Variants in PNPLA1 observed in about 807,000 individuals in gnomAD.
PNPLA1 encodes patatin like domain 1, omega-hydroxyceramide transacylase.
A neutral mutation model predicts 51.7 loss-of-function variants in PNPLA1; 36 were observed. That is an observed-to-expected ratio of 0.70 (90% CI 0.53 to 0.92). The LOEUF (loss-of-function observed/expected upper bound fraction) is 0.92, where lower values mean the gene tolerates loss of function less well. Among genes scored for constraint, PNPLA1 ranks in the 40% least tolerant of loss-of-function variants. The pLI is 0.00. For synonymous variants in PNPLA1, 293 were observed against 280.1 expected (o/e 1.05, Z -0.46); for missense variants, 658 against 682.5 (o/e 0.96, Z 0.40).
Position 36,295,431 on chromosome 6 carries a change from A to G in PNPLA1, c.775+7A>G, listed in dbSNP as rs1770829682. 6.2e-7 allele frequency: 1 copy of G among 1,614,082 alleles called. No individual in the cohort carries two copies. Among genetic ancestry groups the G allele is most frequent in the Non-Finnish European group, 8.5e-7 (1 of 1,179,986 alleles). ...TTGTACTTGAGGCGGCTGAGTAAGT[A>G]CCGGTGGGGCCCCAGGTAAGGGCAG... On this transcript the variant is annotated splice_region_variant and intron_variant, in intron 5 of 8. Transcript: ENST00000636260.
intron 8 of PNPLA1, chr6:36,307,948 T>C (rs1465412091): frequency 5.0e-6 from 2 of 400,110 alleles, no homozygotes; most frequent in Non-Finnish European, 8.9e-6. Flanking sequence ...ATGGGGATGA[T>C]ACCACTTCAT....
At chr6:36,261,985 T>C (rs943297982) in intron 1 of PNPLA1, among the ~76,000 whole-genome samples, 1 of 152,190 alleles carries the variant, frequency 6.6e-6, no homozygotes. Context: ...GATGAACATT[T>C]TCCTAGGATG....
intron 5 of PNPLA1, among the ~76,000 whole-genome samples, chr6:36,297,358 G>A (rs1009557178): frequency 3.9e-5 from 6 of 152,124 alleles, no homozygotes; most frequent in South Asian, 4.1e-4. Context: ...GATGTGAACA[G>A]GAACTACTGA....
rs766625780 is a variant in PNPLA1, at chr6:36,276,509, A to G, written c.205+5845A>G. 1.2e-3 allele frequency among the ~76,000 whole-genome samples: 190 copies of G among 152,112 alleles called. 1 individual carries two copies. The highest frequency in any genetic ancestry group is 3.7e-3 in the African/African-American group (152 of 41,418). On this transcript the variant is annotated intron_variant, in intron 1 of 8. Coordinates refer to ENST00000636260, the MANE Select transcript of PNPLA1 (RefSeq NM_001374623.1). Reference sequence around the variant, plus strand: ...TCATTAATCCATTCATTCACCTAGGAGGGGTGGTCTCCGTGATTGCCACTG... The same window carrying G: ...TCATTAATCCATTCATTCACCTAGGGGGGGTGGTCTCCGTGATTGCCACTG...
At chr6:36,273,673 G>T (rs1217486293) in intron 1 of PNPLA1, among the ~76,000 whole-genome samples, 1 of 133,622 alleles carries the variant, frequency 7.5e-6, no homozygotes, top group Non-Finnish European at 1.5e-5. Flanking sequence ...CAGGAAGATT[G>T]TGTGTGGGTC....
chr6:36,297,597 T>C (rs1241876570), intron 5 of PNPLA1, among the ~76,000 whole-genome samples: 1 of 152,158 alleles, frequency 6.6e-6, no homozygotes, highest in Non-Finnish European at 1.5e-5. Flanking sequence ...TTATTCTTGC[T>C]GCCAGGCAAG....
In PNPLA1 at chr6:36,311,112, C is replaced by T. The variant is rs150118880; in HGVS notation, c.1596-651C>T. 8.2e-3 allele frequency among the ~76,000 whole-genome samples: 1,255 copies of T among 152,286 alleles called. 16 individuals are homozygous for T. The highest frequency in any genetic ancestry group is 0.026 in the African/African-American group (1,066 of 41,544). The stretch of plus-strand genomic sequence containing the variant: ...TGGGCTCACCCTGCACCTACTGAAT[C>T]GGAAATGGGGCTGGGGCCCAGCGGT... On this transcript the variant is annotated intron_variant, in intron 8 of 8. Coordinates refer to ENST00000636260, the MANE Select transcript of PNPLA1 (RefSeq NM_001374623.1).
chr6:36,265,998 C>A (rs953898190), upstream of PNPLA1, among the ~76,000 whole-genome samples: 4 of 152,230 alleles, frequency 2.6e-5, no homozygotes, highest in African/African-American at 9.7e-5. Context: ...CCCTCATTCT[C>A]TCTCTCACTC....
In PNPLA1 at chr6:36,304,747, G is replaced by A. The variant is rs188643726; in HGVS notation, c.1385-1545G>A. 3.2e-3 allele frequency among the ~76,000 whole-genome samples: 486 copies of A among 152,132 alleles called. 4 individuals carry two copies. The highest frequency in any genetic ancestry group is 0.011 in the African/African-American group (466 of 41,486). On this transcript the variant is annotated intron_variant, in intron 6 of 8. Transcript: ENST00000636260. ...TTAACCACACCTGTGCATGAAGGCG[G>A]CCATCTTCAGGTACCTGAGCAATCC...
chr6:36,311,156 A>G lies in PNPLA1; in HGVS notation c.1596-607A>G, dbSNP rs148825506. Among the ~76,000 whole-genome samples the G allele has an allele frequency of 8.5e-5, 13 of 152,352 alleles. No homozygotes were observed. In the East Asian group the frequency reaches 2.3e-3, roughly 27 times the overall value. On this transcript the variant is annotated intron_variant, in intron 8 of 8. Transcript: ENST00000636260. Reference sequence around the variant, plus strand: ...CAGCGGTGTGTATTTCACATAGTCCACCAGATGACTGATGCACGCTGGAGT... The same window carrying G: ...CAGCGGTGTGTATTTCACATAGTCCGCCAGATGACTGATGCACGCTGGAGT...
At chr6:36,276,620 G>C (rs1036633385) in intron 1 of PNPLA1, among the ~76,000 whole-genome samples, 1 of 152,104 alleles carries the variant, frequency 6.6e-6, no homozygotes, top group African/African-American at 2.4e-5. Flanking sequence ...AAAACAAAAT[G>C]TTTCTTATGG....
chr6:36,273,194 C>G (rs910311020), intron 1 of PNPLA1, among the ~76,000 whole-genome samples: 1 of 151,818 alleles, frequency 6.6e-6, no homozygotes, highest in Admixed American at 6.6e-5. Flanking sequence ...GCAGTGAGAT[C>G]GCGCTACTAC....
intron 1 of PNPLA1, among the ~76,000 whole-genome samples, chr6:36,256,194 T>C (rs9689749): frequency 9.2e-5 from 14 of 152,180 alleles, no homozygotes; most frequent in African/African-American, 3.4e-4. Context: ...GATGTTACTT[T>C]AAAAAGATGT....
intron 5 of PNPLA1, 79 bp from the exon 6 acceptor site, chr6:36,301,782 A>T (rs975899270): frequency 1.3e-6 from 2 of 1,516,662 alleles, no homozygotes; most frequent in Non-Finnish European, 1.8e-6. Flanking sequence ...TGTTTAGGAA[A>T]ATAACTCAAG....
At chr6:36,291,968 C>T (rs1191391056) in intron 2 of PNPLA1, among the ~76,000 whole-genome samples, 2 of 152,230 alleles carry the variant, frequency 1.3e-5, no homozygotes, top group African/African-American at 4.8e-5. Flanking sequence ...TCTGCCCCCT[C>T]TCTTCCAGTG....
chr6:36,300,161 T>TTGTGTGTGTGTGTG lies in PNPLA1; in HGVS notation c.776-1695_776-1682dup, dbSNP rs145503312. Among the ~76,000 whole-genome samples the TTGTGTGTGTGTGTG allele has an allele frequency of 1.2e-3, 125 of 103,020 alleles. 3 individuals are homozygous for TTGTGTGTGTGTGTG. In the East Asian group the frequency reaches 0.019, roughly 16 times the overall value. 67.6% of individuals were successfully genotyped at this position (103,020 alleles called of 152,430 possible). ...ACAGTTTCTCAGACTTTTCTTATTC[T>TTGTGTGTGTGTGTG]TGTGTGTGTGTGTGTGTGAGAGAGA... is the stretch of plus-strand genomic sequence containing the variant. On this transcript the variant is annotated intron_variant, in intron 5 of 8. Coordinates refer to ENST00000636260, the MANE Select transcript of PNPLA1 (RefSeq NM_001374623.1).
intron 1 of PNPLA1, among the ~76,000 whole-genome samples, chr6:36,274,275 G>A (rs1770022983): frequency 6.6e-6 from 1 of 152,108 alleles, no homozygotes; most frequent in Non-Finnish European, 1.5e-5. Flanking sequence ...ACTCAGTCTG[G>A]CCAAAGTCTA....
chr6:36,272,215 T>C (rs1166646376), intron 1 of PNPLA1, among the ~76,000 whole-genome samples: 2 of 152,286 alleles, frequency 1.3e-5, no homozygotes, highest in African/African-American at 4.8e-5. Flanking sequence ...GGCAGTCCCA[T>C]CTGAGGGTGA....
chr6:36,267,718 C>T (rs929093904), upstream of PNPLA1, among the ~76,000 whole-genome samples: 10 of 152,138 alleles, frequency 6.6e-5, no homozygotes, highest in African/African-American at 1.7e-4. Flanking sequence ...CACCCTCCTC[C>T]GCCTGCTTAC....
Sources: gnomAD v4.1 joint callset for allele counts (sites outside exome capture counted in the v4.1 genomes callset) on GRCh38, gnomAD v4.1.1 for gene constraint, MANE v1.5 for transcripts, NCBI Gene and HGNC (gene_info 2026-07-23, HGNC 2026-07-21) for gene names.